Variants in GRM7 observed in about 807,000 individuals in gnomAD.
GRM7 encodes metabotropic glutamate receptor 7.
Under a neutral mutation model 84.5 loss-of-function variants are expected in GRM7, and 35 were observed. The observed-to-expected ratio is 0.41, with a 90% CI of 0.32 to 0.55. GRM7 has a LOEUF of 0.55. Ranked by LOEUF, GRM7 falls within the 20% of genes least tolerant of loss-of-function variation. The pLI, the probability that GRM7 is intolerant of heterozygous loss-of-function variation, is 0.19. For synonymous variants in GRM7, 487 were observed against 455.1 expected, an observed-to-expected ratio of 1.07 and a Z score of -0.89; for missense variants, 1,003 against 1,194.6, an observed-to-expected ratio of 0.84 and a Z score of 2.36.
At chr3:7,383,968 C>G (rs1013145797) in intron 4 of GRM7, among the ~76,000 whole-genome samples, 41 of 152,042 alleles carry the variant, frequency 2.7e-4, no homozygotes, top group African/African-American at 9.9e-4. Context: ...CATCTGGACC[C>G]TACTCTAAGG....
intron 4 of GRM7, among the ~76,000 whole-genome samples, chr3:7,333,959 G>C (rs1001595675): frequency 6.6e-6 from 1 of 151,730 alleles, no homozygotes; most frequent in African/African-American, 2.4e-5. Flanking sequence ...TAAGAAATTT[G>C]GGATTATGTT....
chr3:7,236,788 T>G (rs930763319), intron 2 of GRM7, among the ~76,000 whole-genome samples: 7 of 152,168 alleles, frequency 4.6e-5, no homozygotes, highest in African/African-American at 1.7e-4. Flanking sequence ...ACCACAGACA[T>G]ATGCTTTAGC....
chr3:7,532,147 G>T (rs918939778), intron 7 of GRM7, among the ~76,000 whole-genome samples: 2 of 152,084 alleles, frequency 1.3e-5, no homozygotes, highest in African/African-American at 4.8e-5. Flanking sequence ...ATGAGTTAGG[G>T]AGGAGTCCCT....
chr3:7,431,901 G>C (rs1186295900), intron 5 of GRM7, among the ~76,000 whole-genome samples: 1 of 149,564 alleles, frequency 6.7e-6, no homozygotes, highest in South Asian at 2.1e-4. Context: ...TAACTATTAA[G>C]GTTTAAATAC....
At chr3:7,652,880 G>A (rs1350714193) in intron 8 of GRM7, among the ~76,000 whole-genome samples, 1 of 152,160 alleles carries the variant, frequency 6.6e-6, no homozygotes, top group African/African-American at 2.4e-5. Flanking sequence ...GGCTAAGTAT[G>A]TAGCATTTAT....
intron 5 of GRM7, among the ~76,000 whole-genome samples, chr3:7,438,913 C>A (rs559115805): frequency 2.6e-5 from 4 of 152,132 alleles, no homozygotes; most frequent in African/African-American, 9.7e-5. Context: ...TAATTGTAGA[C>A]ATGTTGAATC....
intron 4 of GRM7, among the ~76,000 whole-genome samples, chr3:7,410,417 A>G (rs563378299): frequency 1.3e-5 from 2 of 152,156 alleles, no homozygotes; most frequent in East Asian, 1.9e-4. Context: ...CAAAAAAAAT[A>G]CAAAAATTAT....
chr3:7,337,893 T>A (rs1701482627), intron 4 of GRM7, among the ~76,000 whole-genome samples: 1 of 151,872 alleles, frequency 6.6e-6, no homozygotes, highest in Non-Finnish European at 1.5e-5. Flanking sequence ...GATCCAGCAA[T>A]CCCACTACTG....
chr3:6,865,800 C>T lies in GRM7; in HGVS notation c.519+3893C>T, dbSNP rs190952050. ...TCCATCGTAATCCGATAGAGCTGAG[C>T]ACATAGGGTGGTGTGGTATTACTAC... is the stretch of plus-strand genomic sequence containing the variant. On this transcript the variant is annotated intron_variant, in intron 1 of 9. Coordinates refer to ENST00000357716, the MANE Select transcript of GRM7 (RefSeq NM_000844.4). 3.2e-3 allele frequency among the ~76,000 whole-genome samples: 493 copies of T among 152,036 alleles called. 3 individuals carry two copies. Among genetic ancestry groups the T allele is most frequent in the Middle Eastern group, 6.8e-3 (2 of 294 alleles).
At chr3:6,936,437 T>C (rs1697696831) in intron 1 of GRM7, among the ~76,000 whole-genome samples, 2 of 152,194 alleles carry the variant, frequency 1.3e-5, no homozygotes, top group Non-Finnish European at 2.9e-5. Flanking sequence ...ACAGTCATGC[T>C]CTCTCCAACT....
chr3:7,667,112 CAAAA>C (rs1049999023), intron 8 of GRM7, among the ~76,000 whole-genome samples: 1 of 151,198 alleles, frequency 6.6e-6, no homozygotes, highest in African/African-American at 2.4e-5. Flanking sequence ...AAAAAACAAA[CAAAA>C]AAAATAGCCA....
At position 7,343,155 on chromosome 3, in the gene GRM7, T is replaced by C. The variant is rs147298146; in HGVS notation, c.1033+36503T>C. On this transcript the variant is annotated intron_variant, in intron 4 of 9. Transcript: ENST00000357716. Reference sequence around the variant, plus strand: ...GACGTAGAATAACATGTCTGACATGTGGCCCCCTTTAGCAGCAGAAGATGA... The same window carrying C: ...GACGTAGAATAACATGTCTGACATGCGGCCCCCTTTAGCAGCAGAAGATGA... Among the ~76,000 whole-genome samples the C allele has an allele frequency of 1.8e-3, 274 of 152,282 alleles. 2 individuals are homozygous for C. The highest frequency in any genetic ancestry group is 5.8e-3 in the African/African-American group (241 of 41,562).
intron 7 of GRM7, among the ~76,000 whole-genome samples, chr3:7,493,755 C>A (rs1157901325): frequency 6.6e-6 from 1 of 151,782 alleles, no homozygotes; most frequent in Non-Finnish European, 1.5e-5. Context: ...TCTTTTGTTT[C>A]TTTTATGTCA....
intron 1 of GRM7, among the ~76,000 whole-genome samples, chr3:6,990,349 CTT>C (rs771466547): frequency 6.6e-6 from 1 of 152,166 alleles, no homozygotes. Context: ...TTCATGGACT[CTT>C]AAGGGGAGTT....
intron 1 of GRM7, among the ~76,000 whole-genome samples, chr3:7,123,120 C>T (rs569146999): frequency 6.6e-6 from 1 of 152,306 alleles, no homozygotes; most frequent in Non-Finnish European, 1.5e-5. Flanking sequence ...ATAATGTATC[C>T]ATCTTCTGCT....
At chr3:7,133,755 T>C (rs1017667996) in intron 1 of GRM7, among the ~76,000 whole-genome samples, 5 of 152,124 alleles carry the variant, frequency 3.3e-5, no homozygotes, top group Non-Finnish European at 7.4e-5. Flanking sequence ...TCTATAGGGA[T>C]TAATCCTAGG....
chr3:6,866,974 C>T (rs1694958498), intron 1 of GRM7, among the ~76,000 whole-genome samples: 1 of 152,144 alleles, frequency 6.6e-6, no homozygotes, highest in Non-Finnish European at 1.5e-5. Context: ...TCCCAGTGGC[C>T]ATCCAACACA....
intron 2 of GRM7, among the ~76,000 whole-genome samples, chr3:7,284,746 A>G (rs1304378811): frequency 1.3e-5 from 2 of 152,128 alleles, no homozygotes; most frequent in African/African-American, 2.4e-5. Flanking sequence ...GTTCATTTAT[A>G]TAACAAAACT....
At chr3:7,398,756 A>G (rs1695322812) in intron 4 of GRM7, among the ~76,000 whole-genome samples, 1 of 152,120 alleles carries the variant, frequency 6.6e-6, no homozygotes, top group Admixed American at 6.6e-5. Flanking sequence ...GAATGACATA[A>G]GAGCCTTAAA....
Sources: gnomAD v4.1 joint callset for allele counts (sites outside exome capture counted in the v4.1 genomes callset) on GRCh38, gnomAD v4.1.1 for gene constraint, MANE v1.5 for transcripts, NCBI Gene and HGNC (gene_info 2026-07-23, HGNC 2026-07-21) for gene names.